Variants in SOX6 observed in about 807,000 individuals in gnomAD.
SOX6 encodes the protein SRY-box transcription factor 6.
A neutral mutation model predicts 97.8 loss-of-function variants in SOX6; 11 were observed. The observed-to-expected ratio is 0.11, with a 90% confidence interval of 0.07 to 0.19. SOX6 has a LOEUF of 0.19. Among genes scored for constraint, SOX6 ranks in the 10% least tolerant of loss-of-function variants. SOX6 has a pLI of 1.00. For synonymous variants in SOX6, 360 were observed against 371.4 expected (o/e 0.97, Z 0.35); for missense variants, 810 against 1,039.5 (o/e 0.78, Z 3.04).
chr11:16,603,637 G>GT (rs1447175089), intron 4 of SOX6, among the ~76,000 whole-genome samples: 6 of 152,062 alleles, frequency 3.9e-5, no homozygotes, highest in African/African-American at 4.8e-5. Flanking sequence ...TTACTGGGTT[G>GT]GTGCAGAGGG....
At chr11:16,127,689 A>T (rs893423095) in intron 6 of SOX6, among the ~76,000 whole-genome samples, 9 of 152,164 alleles carry the variant, frequency 5.9e-5, no homozygotes, top group African/African-American at 2.2e-4. Flanking sequence ...AGAAAATAAT[A>T]TTCCAAGTTG....
At chr11:16,290,065 T>C (rs901172553) in intron 3 of SOX6, among the ~76,000 whole-genome samples, 5 of 152,052 alleles carry the variant, frequency 3.3e-5, no homozygotes, top group Admixed American at 6.6e-5. Flanking sequence ...AACTGCCATA[T>C]TCACTGTACT....
intron 6 of SOX6, among the ~76,000 whole-genome samples, chr11:16,125,062 T>C (rs754382509): frequency 3.4e-4 from 52 of 152,086 alleles, no homozygotes; most frequent in Non-Finnish European, 6.9e-4. Flanking sequence ...TGTCAAAGAG[T>C]ATCTGATTGA....
intron 1 of SOX6, among the ~76,000 whole-genome samples, chr11:16,368,080 C>T (rs1414144340): frequency 6.6e-6 from 1 of 152,108 alleles, no homozygotes; most frequent in African/African-American, 2.4e-5. Flanking sequence ...TGAGGACTTA[C>T]TATAGTCTCT....
chr11:16,456,119 G>A (rs1446905963), intron 1 of SOX6, among the ~76,000 whole-genome samples: 1 of 152,050 alleles, frequency 6.6e-6, no homozygotes, highest in African/African-American at 2.4e-5. Context: ...TATGAACCTT[G>A]TATGTCTTAG....
intron 4 of SOX6, among the ~76,000 whole-genome samples, chr11:16,489,672 G>A (rs975903445): frequency 3.9e-5 from 6 of 152,096 alleles, no homozygotes; most frequent in Non-Finnish European, 8.8e-5. Context: ...GAGATAACAT[G>A]TAAAGCAATT....
At chr11:16,481,168 A>C (rs921727065), upstream of SOX6, among the ~76,000 whole-genome samples, 1 of 152,142 alleles carries the variant, frequency 6.6e-6, no homozygotes, top group Admixed American at 6.5e-5. Context: ...GCTTTACTAG[A>C]TTAAACCCAT....
chr11:16,359,696 G>T (rs1857160511), upstream of SOX6, among the ~76,000 whole-genome samples: 1 of 152,086 alleles, frequency 6.6e-6, no homozygotes, highest in Non-Finnish European at 1.5e-5. Context: ...TTGAAAGAAG[G>T]TAGATGAAGC....
intron 3 of SOX6, among the ~76,000 whole-genome samples, chr11:16,246,125 C>A (rs546102263): frequency 1.3e-5 from 2 of 151,344 alleles, no homozygotes; most frequent in South Asian, 4.2e-4. Flanking sequence ...CTTTAACTTA[C>A]AACAGTCTAC....
intron 7 of SOX6, chr11:16,110,479 C>A (rs1013925979): frequency 6.6e-6 from 1 of 151,872 alleles, no homozygotes; most frequent in African/African-American, 2.4e-5. Flanking sequence ...GCTAAGTATA[C>A]CTTGTTCTAA....
At chr11:16,409,790 C>T (rs1858761463) in intron 1 of SOX6, among the ~76,000 whole-genome samples, 1 of 150,598 alleles carries the variant, frequency 6.6e-6, no homozygotes, top group Non-Finnish European at 1.5e-5. Flanking sequence ...ATTTAGGATG[C>T]ATTGCCATCA....
intron 3 of SOX6, among the ~76,000 whole-genome samples, chr11:16,297,842 C>G (rs1855143377): frequency 6.6e-6 from 1 of 152,148 alleles, no homozygotes; most frequent in Admixed American, 6.6e-5. Context: ...CTCAGGGATT[C>G]CCAGGCTGAC....
chr11:16,255,819 T>C (rs1363283733), intron 3 of SOX6, among the ~76,000 whole-genome samples: 2 of 149,242 alleles, frequency 1.3e-5, no homozygotes, highest in Non-Finnish European at 3.0e-5. Context: ...ATAAAATAGA[T>C]GAACTTCTAG....
chr11:16,364,734 T>G (rs1454469081), intron 1 of SOX6, among the ~76,000 whole-genome samples: 1 of 152,134 alleles, frequency 6.6e-6, no homozygotes, highest in Non-Finnish European at 1.5e-5. Flanking sequence ...TCAGAATGAC[T>G]ATGTATTTCA....
chr11:16,709,836 T>C (rs529241708), intron 3 of SOX6, among the ~76,000 whole-genome samples: 2 of 152,326 alleles, frequency 1.3e-5, no homozygotes, highest in East Asian at 1.9e-4. Flanking sequence ...AAACAATTGA[T>C]GCAGAAAATG....
intron 13 of SOX6, 96 bp downstream of exon 13, chr11:16,014,846 A>T: frequency 9.1e-7 from 1 of 1,103,872 alleles, no homozygotes; most frequent in Non-Finnish European, 1.4e-6. Context: ...TCTAGTGATG[A>T]CTCCTATGAA....
chr11:16,181,839 C>T (rs562000738), intron 6 of SOX6, among the ~76,000 whole-genome samples: 6 of 151,814 alleles, frequency 4.0e-5, no homozygotes, highest in Non-Finnish European at 8.9e-5. Context: ...GTGAATGTAA[C>T]TCTGACATTG....
At chr11:16,724,737 A>G (rs565828653) in intron 2 of SOX6, among the ~76,000 whole-genome samples, 1 of 152,196 alleles carries the variant, frequency 6.6e-6, no homozygotes, top group Non-Finnish European at 1.5e-5. Flanking sequence ...ATGTGTGTGT[A>G]TATATATTCA....
chr11:16,118,603 C>T (rs772885775), intron 6 of SOX6, among the ~76,000 whole-genome samples: 1 of 152,124 alleles, frequency 6.6e-6, no homozygotes, highest in African/African-American at 2.4e-5. Context: ...TGTTTGTCCC[C>T]GAAGACTTGC....
Sources: gnomAD v4.1 joint callset for allele counts (sites outside exome capture counted in the v4.1 genomes callset) on GRCh38, gnomAD v4.1.1 for gene constraint, MANE v1.5 for transcripts, NCBI Gene and HGNC (gene_info 2026-07-23, HGNC 2026-07-21) for gene names.